The following LRP8 variants were observed in gnomAD, a reference collection of about 807,000 sequenced individuals.
The protein encoded by LRP8 is low-density lipoprotein receptor-related protein 8.
Under a neutral mutation model 111.6 loss-of-function variants are expected in LRP8, and 46 were observed. The ratio of observed to expected loss-of-function variants is 0.41; its 90% CI spans 0.33 to 0.53. The LOEUF (loss-of-function observed/expected upper bound fraction) is 0.53, where lower values mean the gene tolerates loss of function less well. Among genes scored for constraint, LRP8 ranks in the 20% least tolerant of loss-of-function variants. The probability of loss-of-function intolerance (pLI) is 0.20; values close to 1 mark genes in which losing one functional copy is unlikely to be tolerated. For synonymous variants in LRP8, 464 were observed against 511.2 expected, an observed-to-expected ratio of 0.91 and a Z score of 1.24; for missense variants, 959 against 1,297.4, an observed-to-expected ratio of 0.74 and a Z score of 4.01.
intron 2 of LRP8, chr1:53,307,195 AAG>A (rs1652137806): frequency 6.6e-6 from 1 of 152,250 alleles, no homozygotes; most frequent in African/African-American, 2.4e-5. Context: ...CTGGAACAGA[AAG>A]AGCACCACGC....
At chr1:53,297,449 G>A (rs1649961591) in intron 2 of LRP8, among the ~76,000 whole-genome samples, 4 of 152,342 alleles carry the variant, frequency 2.6e-5, no homozygotes, top group African/African-American at 7.2e-5. Flanking sequence ...GCACCCGCGT[G>A]TGGTGGGCGG....
chr1:53,283,330 T>C (rs957249938), intron 3 of LRP8, among the ~76,000 whole-genome samples: 28 of 152,062 alleles, frequency 1.8e-4, no homozygotes, highest in African/African-American at 6.8e-4. Flanking sequence ...GCAACAAATG[T>C]CTGTTGTAAG....
In LRP8 at chr1:53,266,223, T is replaced by A. The variant is rs895762308; in HGVS notation, c.1427+250A>T. Among the ~76,000 whole-genome samples the A allele has an allele frequency of 6.6e-6, 1 of 152,166 alleles. No individual in the cohort carries two copies. The highest frequency in any genetic ancestry group is 1.5e-5 in the Non-Finnish European group (1 of 68,032). The stretch of plus-strand genomic sequence containing the variant: ...GTTCCTGTGTCTTGTGCTTCCATAT[T>A]AGGCCTCCAGAGGTCAGACAAATCC... On this transcript the variant is annotated intron_variant, in intron 9 of 18. Coordinates refer to ENST00000306052, the MANE Select transcript of LRP8 (RefSeq NM_004631.5). The surrounding 1 kb of genome is among the most constrained non-coding windows in gnomAD (Gnocchi z 5.0).
chr1:53,326,425 T>A (rs1426213190), intron 2 of LRP8, among the ~76,000 whole-genome samples: 1 of 152,184 alleles, frequency 6.6e-6, no homozygotes, highest in African/African-American at 2.4e-5. Flanking sequence ...GGGGAGCCCA[T>A]TCATTCACAA....
At chr1:53,291,031 G>A (rs1043460453) in intron 2 of LRP8, among the ~76,000 whole-genome samples, 1 of 152,198 alleles carries the variant, frequency 6.6e-6, no homozygotes, top group Admixed American at 6.5e-5. Context: ...AGGTGAGGAA[G>A]AGAGCACTGG....
chr1:53,284,265 G>T (rs1647247928), intron 3 of LRP8, among the ~76,000 whole-genome samples: 1 of 148,294 alleles, frequency 6.7e-6, no homozygotes, highest in Non-Finnish European at 1.5e-5. Context: ...TACATACCCG[G>T]GCCACTTACT....
At chr1:53,327,457 G>A (rs540779045) in intron 1 of LRP8, 2 of 265,342 alleles carry the variant, frequency 7.5e-6, no homozygotes, top group South Asian at 2.0e-4. Context: ...CCGCCGCGGA[G>A]CGCGCGTGTC....
chr1:53,311,462 T>TC (rs933445122), intron 2 of LRP8, among the ~76,000 whole-genome samples: 3 of 151,670 alleles, frequency 2.0e-5, no homozygotes, highest in Non-Finnish European at 4.4e-5. Context: ...CAAAGCGCCC[T>TC]CCCCCAACTC....
chr1:53,326,781 C>A (rs889903205), intron 2 of LRP8, 92 bp downstream of exon 2: 24 of 1,503,366 alleles, frequency 1.6e-5, no homozygotes, highest in South Asian at 9.1e-5. Context: ...CAGGTGGCAG[C>A]GCGGCGGCTG....
chr1:53,263,058 C>T (rs796078549), intron 10 of LRP8, among the ~76,000 whole-genome samples: 6 of 152,334 alleles, frequency 3.9e-5, no homozygotes, highest in African/African-American at 1.4e-4. Flanking sequence ...TTATTAAACC[C>T]TCCTCTGATT....
intron 2 of LRP8, among the ~76,000 whole-genome samples, chr1:53,290,793 A>G (rs1288507): frequency 0.71 from 107,889 of 152,092 alleles, 39,190 homozygotes; most frequent in East Asian, 0.92. Flanking sequence ...CCCTGTCAGG[A>G]CTTCCATGGG....
At position 53,327,953 on chromosome 1, in the gene LRP8, GCGC is replaced by G. The variant is rs1002913870; in HGVS notation, c.-44_-42del. On this transcript the variant is annotated 5_prime_UTR_variant, in exon 1 of 19. Coordinates refer to ENST00000306052, the MANE Select transcript of LRP8 (RefSeq NM_004631.5). The stretch of plus-strand genomic sequence containing the variant: ...CCGGCCGCCGCGCCCCGCGCTCCCC[GCGC>G]CGCCGCCGCCGCGTCTCAGCCCTCC... The G allele has an allele frequency of 7.5e-5, 81 of 1,086,998 alleles. No homozygotes were observed. The highest frequency in any genetic ancestry group is 3.3e-4 in the East Asian group (6 of 18,030). 67.3% of individuals were successfully genotyped at this position (1,086,998 alleles called of 1,614,324 possible).
In LRP8 at chr1:53,264,247, A is replaced by G. The variant is rs780596952; in HGVS notation, c.1577T>C (p.Val526Ala). ...GAGAGTGCGTCGGCGGCCACCATCAACTGTGGCCACTGAGATGGTCTTATT... is the reference window on the plus strand; with the variant it reads ...GAGAGTGCGTCGGCGGCCACCATCAGCTGTGGCCACTGAGATGGTCTTATT... ...SGNKTISVAT[V>A]DGGRRRTLFS... The change falls in exon 10 of 19, where the codon GTT becomes GCT. Residue 526 changes from valine to alanine, a missense_variant. By Grantham distance (64) the Val-to-Ala change is moderately conservative (BLOSUM62 0). Coordinates refer to ENST00000306052, the MANE Select transcript of LRP8 (RefSeq NM_004631.5). The G allele has an allele frequency of 2.5e-6, 4 of 1,614,152 alleles. No homozygotes were observed. The highest frequency in any genetic ancestry group is 1.1e-5 in the South Asian group (1 of 91,082).
intron 15 of LRP8, among the ~76,000 whole-genome samples, chr1:53,255,896 A>G (rs1366944369): frequency 6.6e-6 from 1 of 152,212 alleles, no homozygotes; most frequent in East Asian, 1.9e-4. Flanking sequence ...ATGAATATAA[A>G]ATGCTTGGCA....
At position 53,250,543 on chromosome 1, in the gene LRP8, G is replaced by A. The variant is rs1645862642; in HGVS notation, c.2676+147C>T. 4.0e-5 allele frequency: 26 copies of A among 651,742 alleles called. No homozygotes were observed. The highest frequency in any genetic ancestry group is 3.4e-5 in the Non-Finnish European group (13 of 378,606). The allele number at this position is 651,742 out of a possible 1,614,324, so 40.4% of individuals were successfully genotyped here. On this transcript the variant is annotated intron_variant, in intron 17 of 18. Coordinates refer to ENST00000306052, the MANE Select transcript of LRP8 (RefSeq NM_004631.5). This position sits in a 1 kb window ranked among gnomAD's most constrained non-coding sequence, Gnocchi z 4.6. ...GAAAGAAAAAAGACAGGGAGGGAGG[G>A]AAGGACGGAAGGAAAGGAGGGAGGG...
Position 53,275,734 on chromosome 1 carries a change from C to T in LRP8, c.903G>A (p.Gly301=). The part of the protein sequence containing the change: ...EADCPLGTCR[G]DEFQCGDGTC... Reference sequence around the variant, plus strand: ...TCCCATCCCCACACTGGAACTCGTCCCCACGGCAGGTGCCCAGTGCTGCCA... The same window carrying T: ...TCCCATCCCCACACTGGAACTCGTCTCCACGGCAGGTGCCCAGTGCTGCCA... Residue 301 remains glycine, a synonymous_variant, in exon 6 of 19, where the codon GGG becomes GGA. Transcript: ENST00000306052. The surrounding 1 kb of genome is among the most constrained non-coding windows in gnomAD (Gnocchi z 4.4). The T allele has an allele frequency of 6.2e-7, 1 of 1,614,024 alleles. No individual in the cohort carries two copies. Among genetic ancestry groups the T allele is most frequent in the South Asian group, 1.1e-5 (1 of 91,082 alleles).
intron 13 of LRP8, 110 bp downstream of exon 13, chr1:53,260,354 C>T (rs1572454386): frequency 1.1e-6 from 1 of 931,278 alleles, no homozygotes; most frequent in Non-Finnish European, 1.7e-6. Context: ...TGTTATTATT[C>T]CTGGGGTTGC....
intron 9 of LRP8, among the ~76,000 whole-genome samples, chr1:53,265,124 G>A (rs1279387434): frequency 3.9e-5 from 6 of 152,156 alleles, no homozygotes; most frequent in Admixed American, 6.5e-5. Context: ...AAGAATGACC[G>A]TGCCAGTGAG....
intron 2 of LRP8, among the ~76,000 whole-genome samples, chr1:53,295,588 G>A (rs1039730181): frequency 2.0e-5 from 3 of 152,018 alleles, no homozygotes; most frequent in East Asian, 1.9e-4. Context: ...ACAGAAAATC[G>A]GCCCTTAGCA....
Sources: allele counts gnomAD v4.1 joint callset (sites outside exome capture counted in the v4.1 genomes callset), GRCh38; gene constraint gnomAD v4.1.1; non-coding constraint Gnocchi (gnomAD v3.1); transcripts MANE v1.5; gene names NCBI Gene and HGNC (gene_info 2026-07-23, HGNC 2026-07-21).